The following CTNNA1 variants were observed in gnomAD, a reference collection of about 807,000 sequenced individuals.
CTNNA1 encodes the protein catenin alpha 1.
In CTNNA1, 37 loss-of-function variants were observed where a neutral mutation model predicts 98.4. The ratio of observed to expected loss-of-function variants is 0.38; its 90% CI spans 0.29 to 0.49. The LOEUF (loss-of-function observed/expected upper bound fraction) is 0.49, where lower values mean the gene tolerates loss of function less well. CTNNA1 is among the 20% of genes least tolerant of loss of function. The pLI, the probability that CTNNA1 is intolerant of heterozygous loss-of-function variation, is 0.95. For synonymous variants in CTNNA1, 404 were observed against 413.2 expected (o/e 0.98, Z 0.27); for missense variants, 761 against 1,147.2 (o/e 0.66, Z 4.86).
At position 138,875,646 on chromosome 5, in the gene CTNNA1, T is replaced by C. The variant is rs1408897224; in HGVS notation, c.1063-10566T>C. The C allele has an allele frequency of 1.5e-5, 15 of 985,466 alleles. No individual in the cohort carries two copies. In the South Asian group the frequency reaches 5.2e-4, roughly 34 times the overall value. The allele number at this position is 985,466 out of a possible 1,614,324, so 61.0% of individuals were successfully genotyped here. A position where few individuals can be genotyped will look rare whatever the true frequency, so the allele number is the denominator to read the frequency against. ...GATTTTTAATGCTTGTGAGAGCCAG[T>C]GTTAGACTGCCGATTCTGCATAGAG... is the stretch of plus-strand genomic sequence containing the variant. On this transcript the variant is annotated intron_variant, in intron 7 of 17. Coordinates refer to ENST00000302763, the MANE Select transcript of CTNNA1 (RefSeq NM_001903.5).
intron 7 of CTNNA1, among the ~76,000 whole-genome samples, chr5:138,858,691 A>T (rs1763973508): frequency 7.1e-6 from 1 of 140,674 alleles, no homozygotes; most frequent in African/African-American, 2.7e-5. Flanking sequence ...CGCCTCCCGC[A>T]TTCAAGCAAT....
chr5:138,924,547 T>G lies in CTNNA1; in HGVS notation c.1584T>G (p.Ile528Met). ...TGGAAGATGTGAACAAATGTGTCATTGCTCTCCAAGAGAAGGATGTGGATG... is the reference window on the plus strand; with the variant it reads ...TGGAAGATGTGAACAAATGTGTCATGGCTCTCCAAGAGAAGGATGTGGATG... ...HILEDVNKCVIALQEKDVDGL... is the reference protein window; with the variant it reads ...HILEDVNKCVMALQEKDVDGL... Residue 528 changes from isoleucine (I) to methionine (M), a missense_variant, in exon 12 of 18, where the codon ATT becomes ATG. Ile to Met is a conservative substitution (Grantham distance 10, BLOSUM62 1). Around this residue, in one of 6 missense-constraint regions of CTNNA1, gnomAD observed 287 missense variants for 436.0 expected, o/e 0.66. Coordinates refer to ENST00000302763, the MANE Select transcript of CTNNA1 (RefSeq NM_001903.5). The G allele has an allele frequency of 6.2e-7, 1 of 1,614,204 alleles. No individual in the cohort carries two copies. The highest frequency in any genetic ancestry group is 1.1e-5 in the South Asian group (1 of 91,082).
At position 138,762,503 on chromosome 5, in the gene CTNNA1, A is replaced by G. The variant is rs1561496405; in HGVS notation, c.-3+8993A>G. ...TTTTCTTTAGTTTTTTTTTATAACT[A>G]TCAAACTTATTTTTCTCCATGTGGA... On this transcript the variant is annotated intron_variant, in intron 1 of 17. Coordinates refer to ENST00000302763, the MANE Select transcript of CTNNA1 (RefSeq NM_001903.5). 1.4e-4 allele frequency among the ~76,000 whole-genome samples: 21 copies of G among 151,794 alleles called. 1 individual carries two copies. The highest frequency in any genetic ancestry group is 1.5e-5 in the Non-Finnish European group (1 of 67,960).
intron 7 of CTNNA1, among the ~76,000 whole-genome samples, chr5:138,843,850 C>T (rs1179008190): frequency 6.6e-6 from 1 of 152,154 alleles, no homozygotes; most frequent in African/African-American, 2.4e-5. Context: ...GAAGTAAAAC[C>T]CTTTGTCACT....
At chr5:138,875,466 C>A (rs1379894428) in intron 7 of CTNNA1, 1 of 985,432 alleles carries the variant, frequency 1.0e-6, no homozygotes, top group African/African-American at 1.7e-5. Context: ...GCATCGGGGT[C>A]GTTGCAGGAC....
At position 138,873,579 on chromosome 5, in the gene CTNNA1, T is replaced by C. The variant is rs758036554; in HGVS notation, c.1063-12633T>C. 1.9e-6 allele frequency: 3 copies of C among 1,613,994 alleles called. No individual in the cohort carries two copies. Among genetic ancestry groups the C allele is most frequent in the Admixed American group, 1.7e-5 (1 of 60,030 alleles). ...GAGTGTTCCCACCGACCTTGGAAAC[T>C]GCCCAGCCAGGAGGCCAGAGCACAT... is the stretch of plus-strand genomic sequence containing the variant. On this transcript the variant is annotated intron_variant, in intron 7 of 17. Transcript: ENST00000302763. This position sits in a 1 kb window ranked among gnomAD's most constrained non-coding sequence, Gnocchi z 6.1.
chr5:138,928,429 A>G lies in CTNNA1; in HGVS notation c.1900-817A>G, dbSNP rs1764593159. Among the ~76,000 whole-genome samples, 4 of 152,254 alleles carry G rather than the reference A, an allele frequency of 2.6e-5. No homozygotes were observed. In the South Asian group the frequency reaches 8.3e-4, roughly 32 times the overall value. On this transcript the variant is annotated intron_variant, in intron 13 of 17. Coordinates refer to ENST00000302763, the MANE Select transcript of CTNNA1 (RefSeq NM_001903.5). ...AAGTCAAAAGAATACTTTAAAATAC[A>G]TTGCCTATTTTTACTCCTCCAAGCA...
At chr5:138,866,203 T>A (rs2149899073) in intron 7 of CTNNA1, among the ~76,000 whole-genome samples, 2 of 152,192 alleles carry the variant, frequency 1.3e-5, no homozygotes, top group East Asian at 3.9e-4. Context: ...AATTAATTAA[T>A]TAAAAATGGC....
At chr5:138,878,965 A>G (rs1752258395) in intron 7 of CTNNA1, among the ~76,000 whole-genome samples, 1 of 152,042 alleles carries the variant, frequency 6.6e-6, no homozygotes, top group Non-Finnish European at 1.5e-5. Flanking sequence ...TAATCCCAGC[A>G]CTTTAGGAGG....
chr5:138,906,077 CCT>C (rs1256270430), intron 10 of CTNNA1, among the ~76,000 whole-genome samples: 1 of 151,950 alleles, frequency 6.6e-6, no homozygotes. Flanking sequence ...ATAAGTAAAG[CCT>C]CTCTCGGTGG....
At chr5:138,797,235 T>A (rs1399751906) in intron 3 of CTNNA1, among the ~76,000 whole-genome samples, 1 of 152,178 alleles carries the variant, frequency 6.6e-6, no homozygotes, top group African/African-American at 2.4e-5. Context: ...TAAAAACTTT[T>A]TTTATATAAA....
At chr5:138,788,701 C>T (rs114467484) in intron 3 of CTNNA1, among the ~76,000 whole-genome samples, 1,755 of 152,126 alleles carry the variant, frequency 0.012, 29 homozygotes, top group African/African-American at 0.04. Flanking sequence ...CCTCTTAAGC[C>T]GGATAGGGGA....
intron 1 of CTNNA1, chr5:138,754,207 G>A (rs903892058): frequency 6.7e-6 from 1 of 150,082 alleles, no homozygotes; most frequent in African/African-American, 2.4e-5. Context: ...TTCAGCCCTA[G>A]TTTTCAGGAG....
intron 3 of CTNNA1, chr5:138,791,069 G>A (rs950063726): frequency 6.6e-6 from 1 of 152,166 alleles, no homozygotes; most frequent in Non-Finnish European, 1.5e-5. Flanking sequence ...AAATATTCCT[G>A]TCCATAAATA....
At position 138,755,845 on chromosome 5, in the gene CTNNA1, C is replaced by CTTTTTTT. The variant is rs60260246; in HGVS notation, c.-3+2364_-3+2370dup. Among the ~76,000 whole-genome samples the CTTTTTTT allele has an allele frequency of 1.8e-3, 104 of 58,466 alleles. 3 individuals carry two copies. Among genetic ancestry groups the CTTTTTTT allele is most frequent in the Admixed American group, 2.8e-3 (11 of 3,892 alleles). 38.4% of individuals were successfully genotyped at this position (58,466 alleles called of 152,430 possible). On this transcript the variant is annotated intron_variant, in intron 1 of 17. Coordinates refer to ENST00000302763, the MANE Select transcript of CTNNA1 (RefSeq NM_001903.5). ...CCTGCCCGGGTTTTGGGATTTCCTT[C>CTTTTTTT]TTTTTTTTTTTTTTTTTTTTTTTTT...
chr5:138,894,461 T>C (rs919408538), intron 9 of CTNNA1, among the ~76,000 whole-genome samples: 3 of 148,318 alleles, frequency 2.0e-5, no homozygotes, highest in African/African-American at 7.5e-5. Context: ...TTTCATTTTT[T>C]GCAGAGATGG....
chr5:138,765,237 C>T (rs1752800831), intron 1 of CTNNA1, among the ~76,000 whole-genome samples: 1 of 152,148 alleles, frequency 6.6e-6, no homozygotes, highest in African/African-American at 2.4e-5. Context: ...GATGGGGTTT[C>T]ACCAGGTTGG....
At chr5:138,866,303 TTTATTTA>T (rs942897114) in intron 7 of CTNNA1, among the ~76,000 whole-genome samples, 17 of 148,708 alleles carry the variant, frequency 1.1e-4, no homozygotes, top group African/African-American at 4.3e-4. Flanking sequence ...TATTTATTTA[TTTATTTA>T]TTTATTTATT....
chr5:138,933,782 C>T lies in CTNNA1; in HGVS notation c.2434-20C>T, dbSNP rs1765960041. 6.2e-7 allele frequency: 1 copy of T among 1,608,210 alleles called. No individual in the cohort carries two copies. The highest frequency in any genetic ancestry group is 8.5e-7 in the Non-Finnish European group (1 of 1,177,308). Reference sequence around the variant, plus strand: ...TGGAGGTCAGGCCGGTGCTTCTTACCACCCCTGTCTGCCTCGTAGGTGGAC... The same window carrying T: ...TGGAGGTCAGGCCGGTGCTTCTTACTACCCCTGTCTGCCTCGTAGGTGGAC... On this transcript the variant is annotated intron_variant, in intron 17 of 17. Coordinates refer to ENST00000302763, the MANE Select transcript of CTNNA1 (RefSeq NM_001903.5).
Sources: gnomAD v4.1 joint callset for allele counts (sites outside exome capture counted in the v4.1 genomes callset) on GRCh38, gnomAD v4.1.1 for gene constraint, gnomAD v4.1.1 regional missense constraint, Gnocchi (gnomAD v3.1) non-coding constraint, MANE v1.5 for transcripts, NCBI Gene and HGNC (gene_info 2026-07-23, HGNC 2026-07-21) for gene names.